Variants in ACACB observed in about 807,000 individuals in gnomAD.
ACACB encodes acetyl-CoA carboxylase 2.
ACACB carries 209 observed loss-of-function variants against 278.8 expected under a neutral mutation model. The ratio of observed to expected loss-of-function variants is 0.75; its 90% CI spans 0.67 to 0.84. The LOEUF is 0.84. Among genes scored for constraint, ACACB ranks in the 40% least tolerant of loss-of-function variants. The pLI, the probability that ACACB is intolerant of heterozygous loss-of-function variation, is 0.00. For missense variants in ACACB, 2,850 were observed against 3,269.0 expected, an observed-to-expected ratio of 0.87 and a Z score of 3.13; for synonymous variants, 1,174 against 1,285.6, an observed-to-expected ratio of 0.91 and a Z score of 1.86.
Position 109,197,008 on chromosome 12 carries a change from G to T in ACACB, c.2482G>T (p.Val828Leu), listed in dbSNP as rs747315043. 3 of 1,552,746 alleles carry T rather than the reference G, an allele frequency of 1.9e-6. No homozygotes were observed. Residue 828 changes from valine to leucine, a missense_variant and splice_region_variant, in exon 17 of 53, where the codon GTG becomes TTG. Val to Leu is a conservative substitution (Grantham distance 32). This residue lies in a region of ACACB where 2,265 missense variants were observed against 2,561.3 expected (regional missense o/e 0.88). Coordinates refer to ENST00000338432, the MANE Select transcript of ACACB (RefSeq NM_001093.4). ...GGTGACAAGGGGCTTGTCCCCACAGGTGGCCCGGCAGTCTCTGACCATGTT... is the reference window on the plus strand; with the variant it reads ...GGTGACAAGGGGCTTGTCCCCACAGTTGGCCCGGCAGTCTCTGACCATGTT... ...IYGGVKYILK[V>L]ARQSLTMFVL...
At chr12:109,148,839 G>C (rs2043304200) in intron 2 of ACACB, among the ~76,000 whole-genome samples, 1 of 151,962 alleles carries the variant, frequency 6.6e-6, no homozygotes, top group Non-Finnish European at 1.5e-5. Context: ...TGTCTTAGAG[G>C]GACTGTAAAG....
chr12:109,237,385 G>A lies in ACACB; in HGVS notation c.4662+5G>A. 1.2e-6 allele frequency: 2 copies of A among 1,611,858 alleles called. No homozygotes were observed. Among genetic ancestry groups the A allele is most frequent in the Non-Finnish European group, 1.7e-6 (2 of 1,178,812 alleles). On this transcript the variant is annotated splice_donor_5th_base_variant and intron_variant, in intron 34 of 52. Coordinates refer to ENST00000338432, the MANE Select transcript of ACACB (RefSeq NM_001093.4). ...CACTCTGACCTGATCACAAAGGTAA[G>A]ATGTCGCAGAGCATTTCTTCCTCTC... is the stretch of plus-strand genomic sequence containing the variant.
chr12:109,203,344 T>A (rs1454224681), intron 19 of ACACB, among the ~76,000 whole-genome samples: 1 of 152,216 alleles, frequency 6.6e-6, no homozygotes, highest in Non-Finnish European at 1.5e-5. Flanking sequence ...TTCTTAGTTT[T>A]TACCTATTGT....
intron 2 of ACACB, among the ~76,000 whole-genome samples, chr12:109,165,481 A>G (rs1425166947): frequency 1.3e-5 from 2 of 152,266 alleles, no homozygotes; most frequent in East Asian, 3.9e-4. Flanking sequence ...GAGCCACTGC[A>G]TGTGGCCTGA....
chr12:109,167,060 G>A, intron 3 of ACACB, 67 bp downstream of exon 3: 1 of 1,603,072 alleles, frequency 6.2e-7, no homozygotes, highest in South Asian at 1.1e-5. Context: ...CTCTCAGCTG[G>A]AGGTGGGAGA....
In ACACB at chr12:109,217,042, G is replaced by A; in HGVS notation, c.3564+122G>A. Reference sequence around the variant, plus strand: ...CATGCCTGTAATCCCATCACTTTGGGAGGCTGAGGCGGGCAGATCACTTGA... The same window carrying A: ...CATGCCTGTAATCCCATCACTTTGGAAGGCTGAGGCGGGCAGATCACTTGA... On this transcript the variant is annotated intron_variant, in intron 24 of 52. Coordinates refer to ENST00000338432, the MANE Select transcript of ACACB (RefSeq NM_001093.4). 2.3e-6 allele frequency: 3 copies of A among 1,307,790 alleles called. No individual in the cohort carries two copies. The South Asian group carries it at 4.5e-5, about 20-fold the overall frequency. The allele number at this position is 1,307,790 out of a possible 1,614,324, so 81.0% of individuals were successfully genotyped here.
chr12:109,127,859 C>T (rs933069850), intron 1 of ACACB, among the ~76,000 whole-genome samples: 1 of 152,080 alleles, frequency 6.6e-6, no homozygotes, highest in Non-Finnish European at 1.5e-5. Context: ...CCTCCACTGC[C>T]AGCTAAAAGT....
chr12:109,172,092 A>T (rs3759388), intron 5 of ACACB, among the ~76,000 whole-genome samples, 178 bp downstream of exon 5: 72,754 of 151,678 alleles, frequency 0.48, 19,373 homozygotes, highest in Middle Eastern at 0.7. Flanking sequence ...TTCTGTTTTT[A>T]AAAAAAAATT....
intron 22 of ACACB, among the ~76,000 whole-genome samples, chr12:109,213,444 A>G (rs2045904988): frequency 6.6e-6 from 1 of 152,308 alleles, no homozygotes; most frequent in Non-Finnish European, 1.5e-5. Flanking sequence ...ATGGGATGAA[A>G]TAGCTTTATG....
chr12:109,177,498 T>C (rs1366357675), intron 9 of ACACB, among the ~76,000 whole-genome samples: 1 of 152,212 alleles, frequency 6.6e-6, no homozygotes, highest in Admixed American at 6.5e-5. Context: ...CTTGGTATAA[T>C]ATGTGAATGT....
chr12:109,260,541 A>G lies in ACACB; in HGVS notation c.6558A>G (p.Lys2186=), dbSNP rs2047351161. The G allele has an allele frequency of 6.2e-7, 1 of 1,614,188 alleles. No homozygotes were observed. Among genetic ancestry groups the G allele is most frequent in the East Asian group, 2.2e-5 (1 of 44,878 alleles). The change falls in exon 48 of 53, where the codon AAA becomes AAG. Residue 2186 remains lysine, a synonymous_variant. Coordinates refer to ENST00000338432, the MANE Select transcript of ACACB (RefSeq NM_001093.4). ...TCGTGGACGGCCTTAGACAATACAA[A>G]CAGCCCATCCTGATCTATATCCCGC... is the stretch of plus-strand genomic sequence containing the variant. ...AYIVDGLRQY[K]QPILIYIPPY... is the part of the protein sequence containing the mutation.
intron 37 of ACACB, 56 bp from the exon 38 acceptor site, chr12:109,245,570 A>T: frequency 3.8e-6 from 6 of 1,577,618 alleles, no homozygotes; most frequent in Non-Finnish European, 5.2e-6. Context: ...TCTGGGAAAG[A>T]TAGTTCTTCC....
In ACACB at chr12:109,198,976, A is replaced by T. The variant is rs533658270; in HGVS notation, c.2628-426A>T. Among the ~76,000 whole-genome samples, 239 of 152,016 alleles carry T rather than the reference A, an allele frequency of 1.6e-3. 1 individual carries two copies. Among genetic ancestry groups the T allele is most frequent in the African/African-American group, 5.4e-3 (226 of 41,478 alleles). Reference sequence around the variant, plus strand: ...GCTGAGGCGGGCGGATCATGAGGTCAGGAGATCGAGACCATCCTGGCTAAC... The same window carrying T: ...GCTGAGGCGGGCGGATCATGAGGTCTGGAGATCGAGACCATCCTGGCTAAC... On this transcript the variant is annotated intron_variant, in intron 17 of 52. Coordinates refer to ENST00000338432, the MANE Select transcript of ACACB (RefSeq NM_001093.4).
intron 2 of ACACB, among the ~76,000 whole-genome samples, chr12:109,158,983 C>CAAAT (rs397769421): frequency 2.1e-5 from 2 of 95,020 alleles, no homozygotes; most frequent in African/African-American, 8.3e-5. Context: ...TCGAAACAAA[C>CAAAT]GAAACAAAAC....
chr12:109,115,388 A>G (rs6606682), upstream of ACACB, among the ~76,000 whole-genome samples: 7,722 of 152,248 alleles, frequency 0.051, 665 homozygotes, highest in African/African-American at 0.18. Flanking sequence ...TGAAGTTAGA[A>G]GCCTAAGAAT....
At position 109,139,819 on chromosome 12, in the gene ACACB, G is replaced by A; in HGVS notation, c.414G>A (p.Arg138=). ...TDTNGLSSSA[R]PQGQQAGSPS... is the part of the protein sequence containing the mutation. ...CCAATGGCCTGTCCTCCTCAGCCAG[G>A]CCCCAGGGCCAGCAAGCTGGCTCCC... The change falls in exon 2 of 53, where the codon AGG becomes AGA. Residue 138 remains arginine, a synonymous_variant. Transcript: ENST00000338432. 2 of 1,614,198 alleles carry A rather than the reference G, an allele frequency of 1.2e-6. No homozygotes were observed. Among genetic ancestry groups the A allele is most frequent in the Non-Finnish European group, 1.7e-6 (2 of 1,180,020 alleles).
At chr12:109,213,601 C>T (rs2045908879) in intron 22 of ACACB, among the ~76,000 whole-genome samples, 1 of 151,880 alleles carries the variant, frequency 6.6e-6, no homozygotes, top group Admixed American at 6.6e-5. Context: ...AAAGGATTTT[C>T]TTTGTTTTTT....
intron 27 of ACACB, among the ~76,000 whole-genome samples, chr12:109,225,801 A>G (rs2046297793): frequency 6.6e-6 from 1 of 152,236 alleles, no homozygotes; most frequent in Non-Finnish European, 1.5e-5. Flanking sequence ...CTAAGTGGAA[A>G]ATACACACTC....
chr12:109,187,118 T>G (rs1375829076), intron 12 of ACACB, among the ~76,000 whole-genome samples: 176 of 116,476 alleles, frequency 1.5e-3, no homozygotes, highest in African/African-American at 1.8e-3. Context: ...AAGAGGGGAG[T>G]GAGGAAGGAC....
Sources: allele counts gnomAD v4.1 joint callset (sites outside exome capture counted in the v4.1 genomes callset), GRCh38; gene constraint gnomAD v4.1.1; regional missense constraint gnomAD v4.1.1; transcripts MANE v1.5; gene names NCBI Gene and HGNC (gene_info 2026-07-23, HGNC 2026-07-21).